TNR: variants seen among roughly 807,000 people sequenced by gnomAD.
TNR encodes tenascin-R.
TNR carries 45 observed loss-of-function variants against 150.4 expected under a neutral mutation model. The ratio of observed to expected loss-of-function variants is 0.30; its 90% CI spans 0.24 to 0.38. TNR has a LOEUF of 0.38. Ranked by LOEUF, TNR falls within the 10% of genes least tolerant of loss-of-function variation. TNR has a pLI of 1.00. For synonymous variants in TNR, 687 were observed against 678.4 expected (o/e 1.01, Z -0.20); for missense variants, 1,544 against 1,759.1 (o/e 0.88, Z 2.19).
intron 1 of TNR, among the ~76,000 whole-genome samples, chr1:175,683,693 G>T (rs549187374): frequency 6.6e-6 from 1 of 152,352 alleles, no homozygotes; most frequent in Non-Finnish European, 1.5e-5. Flanking sequence ...GAGGGGGAGG[G>T]GAGGGCAGGG....
At chr1:175,473,175 G>A (rs942995393) in intron 2 of TNR, among the ~76,000 whole-genome samples, 2 of 152,190 alleles carry the variant, frequency 1.3e-5, no homozygotes, top group African/African-American at 4.8e-5. Flanking sequence ...CTGAAGACAA[G>A]CTGAGACTCC....
intron 2 of TNR, among the ~76,000 whole-genome samples, chr1:175,441,653 T>TG (rs1402258624): frequency 1.3e-5 from 2 of 151,954 alleles, no homozygotes; most frequent in East Asian, 3.9e-4. Flanking sequence ...GTGTTGTGGG[T>TG]GGGGGGTCTA....
At chr1:175,584,930 C>T (rs1662507308) in intron 1 of TNR, among the ~76,000 whole-genome samples, 1 of 152,200 alleles carries the variant, frequency 6.6e-6, no homozygotes, top group Admixed American at 6.5e-5. Context: ...ATTTCAGATG[C>T]TTTGGTGTCT....
At chr1:175,353,851 A>ATTTTTTTTTTT (rs55981326) in intron 18 of TNR, among the ~76,000 whole-genome samples, 71 of 146,198 alleles carry the variant, frequency 4.9e-4, no homozygotes, top group African/African-American at 1.7e-3. Context: ...ATTTTTATTT[A>ATTTTTTTTTTT]TTTTTTTTTT....
chr1:175,543,187 G>A lies in TNR; in HGVS notation c.-164-14818C>T, dbSNP rs562795661. On this transcript the variant is annotated intron_variant, in intron 1 of 22. Coordinates refer to ENST00000367674, the MANE Select transcript of TNR (RefSeq NM_003285.3). The stretch of plus-strand genomic sequence containing the variant: ...GAAAAAACAAAATGGGGCAGAAAGG[G>A]TAATAGGGTAGTCCAGTTTAGAGAA... Among the ~76,000 whole-genome samples, 4 of 152,312 alleles carry A rather than the reference G, an allele frequency of 2.6e-5. No individual in the cohort carries two copies. The East Asian group carries it at 7.7e-4, about 29-fold the overall frequency.
rs377592100 is a variant in TNR, at chr1:175,492,155, G to GA, written c.-64+36113dup. On this transcript the variant is annotated intron_variant, in intron 2 of 22. Transcript: ENST00000367674. Reference sequence around the variant, plus strand: ...AACAGATTTCATCAAAATTTTGGAGGAAAAAAAAGGAGCATTTATTCTTCA... The same window carrying GA: ...AACAGATTTCATCAAAATTTTGGAGGAAAAAAAAAGGAGCATTTATTCTTCA... Among the ~76,000 whole-genome samples, 301 of 151,804 alleles carry GA rather than the reference G, an allele frequency of 2.0e-3. 3 individuals carry two copies. The highest frequency in any genetic ancestry group is 3.4e-3 in the Non-Finnish European group (234 of 67,900).
chr1:175,532,978 T>C (rs954010428), intron 1 of TNR, among the ~76,000 whole-genome samples: 12 of 152,136 alleles, frequency 7.9e-5, no homozygotes, highest in Non-Finnish European at 1.8e-4. Flanking sequence ...CCCCATTTAA[T>C]GAGGGAAAAA....
At chr1:175,605,405 CACTT>C (rs1663375722) in intron 1 of TNR, among the ~76,000 whole-genome samples, 1 of 152,190 alleles carries the variant, frequency 6.6e-6, no homozygotes. Flanking sequence ...CGCATGTATA[CACTT>C]ACTTAGTCAT....
intron 2 of TNR, among the ~76,000 whole-genome samples, chr1:175,506,325 G>A (rs1040491767): frequency 1.4e-4 from 21 of 152,236 alleles, no homozygotes; most frequent in Non-Finnish European, 2.6e-4. Context: ...GTCATTGAGA[G>A]CACTTTTGTG....
At chr1:175,372,414 C>A (rs1652150736) in intron 9 of TNR, among the ~76,000 whole-genome samples, 2 of 152,216 alleles carry the variant, frequency 1.3e-5, no homozygotes, top group South Asian at 4.1e-4. Context: ...TCAGATAAGT[C>A]TTTCCAGAGA....
At chr1:175,600,567 G>A (rs1663194723) in intron 1 of TNR, among the ~76,000 whole-genome samples, 1 of 152,208 alleles carries the variant, frequency 6.6e-6, no homozygotes, top group African/African-American at 2.4e-5. Flanking sequence ...CACAGGGTTT[G>A]CACGTAAAGA....
chr1:175,695,553 T>G (rs1304297510), intron 1 of TNR, among the ~76,000 whole-genome samples: 1 of 152,178 alleles, frequency 6.6e-6, no homozygotes, highest in East Asian at 1.9e-4. Context: ...GGCTAATCAT[T>G]CACCACTCTT....
At chr1:175,705,725 AAAT>A (rs1190525077) in intron 1 of TNR, among the ~76,000 whole-genome samples, 3 of 152,178 alleles carry the variant, frequency 2.0e-5, no homozygotes, top group Non-Finnish European at 2.9e-5. Context: ...AAGACTTTTA[AAAT>A]AATGTCTCCT....
rs916377354 is a variant in TNR, at chr1:175,696,234, T to C, written c.-165+46992A>G. 3.9e-3 allele frequency among the ~76,000 whole-genome samples: 580 copies of C among 147,938 alleles called. 5 individuals carry two copies. Among genetic ancestry groups the C allele is most frequent in the African/African-American group, 0.014 (546 of 39,030 alleles). On this transcript the variant is annotated intron_variant, in intron 1 of 22. Coordinates refer to ENST00000367674, the MANE Select transcript of TNR (RefSeq NM_003285.3). ...TTCCTGTAGTTTTTTTTTTTTTTTT[T>C]TTTTTTTTTTCCAAAATTTAAGGGA...
At chr1:175,555,917 T>C (rs1294508754) in intron 1 of TNR, among the ~76,000 whole-genome samples, 2 of 152,184 alleles carry the variant, frequency 1.3e-5, no homozygotes, top group African/African-American at 4.8e-5. Flanking sequence ...CAGCTTTACA[T>C]GAATCTGTTG....
At chr1:175,336,954 A>G (rs549961329) in intron 19 of TNR, among the ~76,000 whole-genome samples, 1 of 152,276 alleles carries the variant, frequency 6.6e-6, no homozygotes, top group African/African-American at 2.4e-5. Context: ...ATGCAGTGGC[A>G]TGGTCTCGTC....
chr1:175,386,445 G>T (rs1652937102), intron 7 of TNR, 144 bp from the exon 8 acceptor site: 3 of 927,226 alleles, frequency 3.2e-6, no homozygotes, highest in Non-Finnish European at 4.5e-6. Flanking sequence ...TGAGGAAAAT[G>T]AGACACAGTA....
chr1:175,708,672 C>T (rs540056508), intron 1 of TNR, among the ~76,000 whole-genome samples: 47 of 152,200 alleles, frequency 3.1e-4, no homozygotes, highest in African/African-American at 9.4e-4. Flanking sequence ...CTGGCCACTG[C>T]GATGCTGACA....
intron 8 of TNR, among the ~76,000 whole-genome samples, chr1:175,384,989 G>A (rs1388772435): frequency 6.6e-6 from 1 of 152,126 alleles, no homozygotes; most frequent in Admixed American, 6.5e-5. Flanking sequence ...TCTGTAGCAG[G>A]CTCTTATGCC....
Sources: gnomAD v4.1 joint callset for allele counts (sites outside exome capture counted in the v4.1 genomes callset) on GRCh38, gnomAD v4.1.1 for gene constraint, MANE v1.5 for transcripts, NCBI Gene and HGNC (gene_info 2026-07-23, HGNC 2026-07-21) for gene names.